The following TRIM44 variants were observed in gnomAD, a reference collection of about 807,000 sequenced individuals.
TRIM44 encodes the protein tripartite motif containing 44, also known as tripartite motif-containing protein 44.
TRIM44 carries 13 observed loss-of-function variants against 37.4 expected under a neutral mutation model. That is an observed-to-expected ratio of 0.35 (90% CI 0.23 to 0.55). TRIM44 has a LOEUF of 0.55. TRIM44 is among the 20% of genes least tolerant of loss of function. TRIM44 has a pLI of 0.89. For missense variants in TRIM44, 426 were observed against 437.2 expected, an observed-to-expected ratio of 0.97 and a Z score of 0.23; for synonymous variants, 175 against 157.2, an observed-to-expected ratio of 1.11 and a Z score of -0.85.
At chr11:35,689,542 T>G (rs575494013) in intron 2 of TRIM44, among the ~76,000 whole-genome samples, 70 of 152,344 alleles carry the variant, frequency 4.6e-4, no homozygotes, top group African/African-American at 1.7e-3. Flanking sequence ...CAAACTTTTC[T>G]GAAACACCTA....
intron 2 of TRIM44, among the ~76,000 whole-genome samples, chr11:35,690,029 A>C (rs1055766658): frequency 1.3e-5 from 2 of 152,188 alleles, no homozygotes; most frequent in African/African-American, 4.8e-5. Context: ...TATATTCTCA[A>C]AAAGAAGCAT....
intron 4 of TRIM44, among the ~76,000 whole-genome samples, chr11:35,803,860 G>T (rs1853402990): frequency 6.6e-6 from 1 of 152,004 alleles, no homozygotes; most frequent in Non-Finnish European, 1.5e-5. Flanking sequence ...CTCCAGGAGA[G>T]ACGACATACA....
chr11:35,774,594 G>A (rs1852925224), intron 4 of TRIM44, among the ~76,000 whole-genome samples: 1 of 152,094 alleles, frequency 6.6e-6, no homozygotes, highest in Non-Finnish European at 1.5e-5. Context: ...GGGTTTTTTG[G>A]TTTTAGGTCT....
chr11:35,765,159 T>A (rs1266298881), intron 4 of TRIM44, among the ~76,000 whole-genome samples: 1 of 152,176 alleles, frequency 6.6e-6, no homozygotes, highest in East Asian at 1.9e-4. Flanking sequence ...TAAATCTTAA[T>A]AATTATTTTC....
intron 2 of TRIM44, among the ~76,000 whole-genome samples, chr11:35,689,238 G>A (rs1223128919): frequency 6.6e-6 from 1 of 152,106 alleles, no homozygotes; most frequent in East Asian, 1.9e-4. Context: ...GGAAAATCAG[G>A]AACAACCAGC....
chr11:35,773,739 G>A (rs554628231), intron 4 of TRIM44, among the ~76,000 whole-genome samples: 7 of 152,182 alleles, frequency 4.6e-5, no homozygotes, highest in Non-Finnish European at 7.4e-5. Flanking sequence ...TTCTGTCCTT[G>A]CGATAGTTTG....
At chr11:35,693,455 T>G (rs1851660715) in intron 2 of TRIM44, among the ~76,000 whole-genome samples, 1 of 151,990 alleles carries the variant, frequency 6.6e-6, no homozygotes, top group African/African-American at 2.4e-5. Flanking sequence ...GACTGAGTAG[T>G]GGGTACCTCT....
chr11:35,711,468 G>GTT (rs11344545), intron 2 of TRIM44, among the ~76,000 whole-genome samples: 1 of 138,294 alleles, frequency 7.2e-6, no homozygotes, highest in African/African-American at 2.6e-5. Flanking sequence ...CAGATTTTTT[G>GTT]TTTTTTTTTT....
chr11:35,790,026 A>C (rs1218074996), intron 4 of TRIM44, among the ~76,000 whole-genome samples: 2 of 152,202 alleles, frequency 1.3e-5, no homozygotes, highest in African/African-American at 4.8e-5. Context: ...GGCTTCTGGA[A>C]AAACTGGGAG....
chr11:35,802,669 G>T (rs72932152), intron 4 of TRIM44, among the ~76,000 whole-genome samples: 58 of 152,124 alleles, frequency 3.8e-4, no homozygotes, highest in African/African-American at 1.4e-3. Flanking sequence ...CTAGATCAGT[G>T]ACCGAGCTAA....
At chr11:35,726,380 G>T (rs1852175666) in intron 3 of TRIM44, among the ~76,000 whole-genome samples, 2 of 152,160 alleles carry the variant, frequency 1.3e-5, no homozygotes. Flanking sequence ...ACTTTAAGGA[G>T]TATAGTCAGT....
chr11:35,725,104 A>ACACACC (rs1452133795), intron 2 of TRIM44, among the ~76,000 whole-genome samples: 1 of 142,022 alleles, frequency 7.0e-6, no homozygotes, highest in South Asian at 2.2e-4. Flanking sequence ...ACACACACAC[A>ACACACC]CCCTCCATCT....
intron 4 of TRIM44, among the ~76,000 whole-genome samples, chr11:35,795,849 G>A (rs1235678681): frequency 6.6e-6 from 1 of 152,176 alleles, no homozygotes; most frequent in African/African-American, 2.4e-5. Context: ...TTCATATGAT[G>A]TTATTAAATA....
At chr11:35,753,597 TCTTG>T (rs1260674677) in intron 4 of TRIM44, among the ~76,000 whole-genome samples, 1 of 152,220 alleles carries the variant, frequency 6.6e-6, no homozygotes. Flanking sequence ...GCAAGTATTC[TCTTG>T]CTTCTTTTCA....
At chr11:35,671,318 T>C (rs1445595540) in intron 1 of TRIM44, among the ~76,000 whole-genome samples, 1 of 152,252 alleles carries the variant, frequency 6.6e-6, no homozygotes, top group Non-Finnish European at 1.5e-5. Context: ...AGTTATGTTA[T>C]AGTTTGTTCT....
At chr11:35,773,114 T>C (rs554041969) in intron 4 of TRIM44, among the ~76,000 whole-genome samples, 1 of 152,280 alleles carries the variant, frequency 6.6e-6, no homozygotes, top group East Asian at 1.9e-4. Flanking sequence ...GGCATCTTCC[T>C]CATTTTCTCT....
chr11:35,717,737 G>A (rs1299394746), intron 2 of TRIM44, among the ~76,000 whole-genome samples: 1 of 152,076 alleles, frequency 6.6e-6, no homozygotes, highest in Non-Finnish European at 1.5e-5. Context: ...ACAGAGGAAA[G>A]CACCAAGATA....
chr11:35,704,635 T>C lies in TRIM44; in HGVS notation c.747+19299T>C, dbSNP rs569446439. On this transcript the variant is annotated intron_variant, in intron 2 of 4. Coordinates refer to ENST00000299413, the MANE Select transcript of TRIM44 (RefSeq NM_017583.6). Reference sequence around the variant, plus strand: ...CATTCTTAAAGAAAAGAATTTTCAATCCAGAATTACATATCCAGCCAAACT... The same window carrying C: ...CATTCTTAAAGAAAAGAATTTTCAACCCAGAATTACATATCCAGCCAAACT... Among the ~76,000 whole-genome samples, 280 of 152,244 alleles carry C rather than the reference T, an allele frequency of 1.8e-3. 1 individual carries two copies. Among genetic ancestry groups the C allele is most frequent in the African/African-American group, 6.5e-3 (269 of 41,548 alleles).
intron 4 of TRIM44, among the ~76,000 whole-genome samples, chr11:35,804,227 G>T (rs1853416836): frequency 1.3e-5 from 2 of 152,090 alleles, no homozygotes; most frequent in Non-Finnish European, 2.9e-5. Context: ...CCAAGAACAC[G>T]TCTCTTTTAG....
Sources: gnomAD v4.1 joint callset for allele counts (sites outside exome capture counted in the v4.1 genomes callset) on GRCh38, gnomAD v4.1.1 for gene constraint, MANE v1.5 for transcripts, NCBI Gene and HGNC (gene_info 2026-07-23, HGNC 2026-07-21) for gene names.